The following STK24 variants were observed in gnomAD, a reference collection of about 807,000 sequenced individuals.
STK24 encodes serine/threonine-protein kinase 24.
Under a neutral mutation model 55.6 loss-of-function variants are expected in STK24, and 21 were observed. That is an observed-to-expected ratio of 0.38 (90% confidence interval 0.27 to 0.54). The LOEUF is 0.54. STK24 is among the 20% of genes least tolerant of loss of function. The probability of loss-of-function intolerance (pLI) is 0.79; values close to 1 mark genes in which losing one functional copy is unlikely to be tolerated. For missense variants in STK24, 383 were observed against 538.4 expected, an observed-to-expected ratio of 0.71 and a Z score of 2.86; for synonymous variants, 200 against 215.2, an observed-to-expected ratio of 0.93 and a Z score of 0.62.
In STK24 at chr13:98,452,193, C is replaced by CA. The variant is rs1893231010; in HGVS notation, c.*979dup. 2 of 152,194 alleles carry CA rather than the reference C, an allele frequency of 1.3e-5. No homozygotes were observed. Among genetic ancestry groups the CA allele is most frequent in the South Asian group, 4.1e-4 (2 of 4,830 alleles). The allele number at this position is 152,194 out of a possible 1,614,324, so 9.4% of individuals were successfully genotyped here. A position where few individuals can be genotyped will look rare whatever the true frequency, so the allele number is the denominator to read the frequency against. ...TATAAAATTTATTTGTGTAAGCATT[C>CA]AGACATTTTTAGGTGGGAAAGATGA... On this transcript the variant is annotated 3_prime_UTR_variant, in exon 11 of 11. Transcript: ENST00000539966.
chr13:98,567,822 GTCAA>G (rs2139461277), intron 1 of STK24, among the ~76,000 whole-genome samples: 1 of 151,626 alleles, frequency 6.6e-6, no homozygotes, highest in South Asian at 2.1e-4. Flanking sequence ...ATCTAATTGG[GTCAA>G]TCCTGAAATC....
intron 1 of STK24, among the ~76,000 whole-genome samples, chr13:98,560,885 G>A (rs1259478460): frequency 6.8e-6 from 1 of 146,678 alleles, no homozygotes; most frequent in African/African-American, 2.6e-5. Flanking sequence ...GACAGGGCAA[G>A]ACTCCGTCTC....
intron 1 of STK24, among the ~76,000 whole-genome samples, chr13:98,538,426 T>G (rs186845886): frequency 6.0e-4 from 91 of 152,202 alleles, no homozygotes; most frequent in African/African-American, 2.1e-3. Flanking sequence ...GGTTTCACCA[T>G]GTTGGTCAAG....
rs114398183 is a variant in STK24, at chr13:98,477,097, T to C, written c.331-1739A>G. ...GCCACAGACTCTGTTCCCCAGAAAG[T>C]AGTTTTTTCCCAGTTACCTGAACAA... On this transcript the variant is annotated intron_variant, in intron 3 of 10. Transcript: ENST00000539966. Among the ~76,000 whole-genome samples, 1,408 of 152,314 alleles carry C rather than the reference T, an allele frequency of 9.2e-3. 19 individuals are homozygous for C. Among genetic ancestry groups the C allele is most frequent in the African/African-American group, 0.031 (1,287 of 41,570 alleles).
chr13:98,519,053 C>T (rs1245180971), intron 2 of STK24, among the ~76,000 whole-genome samples, 190 bp downstream of exon 2: 3 of 152,190 alleles, frequency 2.0e-5, no homozygotes, highest in Non-Finnish European at 2.9e-5. Flanking sequence ...ACTTTCACCA[C>T]AAATATTTCT....
Position 98,448,438 on chromosome 13 carries a change from A to T in STK24, c.*4735T>A. On this transcript the variant is annotated 3_prime_UTR_variant, in exon 11 of 11. Transcript: ENST00000539966. Reference sequence around the variant, plus strand: ...AAAATCAAAAACATGGCTTCCCAGCAGCTCTCCTGTCTCCACAGCCGCGTT... The same window carrying T: ...AAAATCAAAAACATGGCTTCCCAGCTGCTCTCCTGTCTCCACAGCCGCGTT... The T allele has an allele frequency of 1.2e-6, 1 of 816,832 alleles. No homozygotes were observed. The highest frequency in any genetic ancestry group is 2.0e-5 in the Admixed American group (1 of 48,784). 50.6% of individuals were successfully genotyped at this position (816,832 alleles called of 1,614,324 possible).
At chr13:98,466,827 C>A (rs1208188981) in intron 5 of STK24, among the ~76,000 whole-genome samples, 2 of 152,154 alleles carry the variant, frequency 1.3e-5, no homozygotes, top group Non-Finnish European at 2.9e-5. Context: ...ATTCGGCATT[C>A]CCCGTGGAGT....
intron 2 of STK24, among the ~76,000 whole-genome samples, chr13:98,495,877 T>C (rs1895235574): frequency 6.6e-6 from 1 of 152,226 alleles, no homozygotes; most frequent in Non-Finnish European, 1.5e-5. Context: ...GCTTTGCTTT[T>C]ACCCACTACA....
At chr13:98,531,306 C>G (rs1044109746) in intron 1 of STK24, among the ~76,000 whole-genome samples, 1 of 152,154 alleles carries the variant, frequency 6.6e-6, no homozygotes. Context: ...GGGATATGTA[C>G]AGAAAAGGCC....
At chr13:98,563,216 A>C (rs1297911385) in intron 1 of STK24, among the ~76,000 whole-genome samples, 1 of 152,192 alleles carries the variant, frequency 6.6e-6, no homozygotes, top group African/African-American at 2.4e-5. Context: ...GCTAGCACCG[A>C]TGGCCCCAGG....
At chr13:98,529,694 C>A (rs575537206) in intron 1 of STK24, among the ~76,000 whole-genome samples, 2 of 152,078 alleles carry the variant, frequency 1.3e-5, no homozygotes, top group Admixed American at 1.3e-4. Flanking sequence ...GACAAACAAA[C>A]CACCAAACAG....
chr13:98,561,581 AAAAG>A (rs978672544), intron 1 of STK24, among the ~76,000 whole-genome samples: 4 of 151,772 alleles, frequency 2.6e-5, no homozygotes, highest in African/African-American at 4.8e-5. Context: ...GACTGTCTCA[AAAAG>A]AAAGAAAGAA....
chr13:98,551,415 A>T (rs558892389), intron 1 of STK24, among the ~76,000 whole-genome samples: 1 of 151,186 alleles, frequency 6.6e-6, no homozygotes, highest in Non-Finnish European at 1.5e-5. Context: ...TATCTAATCC[A>T]TTAAGGAGAC....
chr13:98,533,023 C>T lies in STK24; in HGVS notation c.43-13550G>A, dbSNP rs191302995. On this transcript the variant is annotated intron_variant, in intron 1 of 10. Coordinates refer to ENST00000539966, the MANE Select transcript of STK24 (RefSeq NM_001032296.4). ...AAATATCCTACAGTATTTGACAAAA[C>T]AGAAAATTGGCACAAAGAGAAATTA... Among the ~76,000 whole-genome samples, 13 of 152,328 alleles carry T rather than the reference C, an allele frequency of 8.5e-5. No homozygotes were observed. In the East Asian group the frequency reaches 2.5e-3, roughly 29 times the overall value.
intron 1 of STK24, 30 bp from the exon 2 acceptor site, chr13:98,519,503 CT>C (rs1896183931): frequency 6.4e-7 from 1 of 1,567,488 alleles, no homozygotes; most frequent in Admixed American, 1.7e-5. Context: ...AAAAGGGAAA[CT>C]TTAGTCCCTC....
chr13:98,574,018 AT>A (rs753527283), intron 1 of STK24, among the ~76,000 whole-genome samples: 51 of 142,754 alleles, frequency 3.6e-4, no homozygotes, highest in Middle Eastern at 3.5e-3. Context: ...TTTTTATTTT[AT>A]TTTTTTTTTT....
chr13:98,457,771 G>A (rs1338543242), intron 9 of STK24, among the ~76,000 whole-genome samples: 2 of 152,122 alleles, frequency 1.3e-5, no homozygotes, highest in East Asian at 1.9e-4. Context: ...TGCCCGGCCC[G>A]GGTTCCTTTT....
chr13:98,539,571 C>CA (rs11286407), intron 1 of STK24, among the ~76,000 whole-genome samples: 9 of 150,912 alleles, frequency 6.0e-5, no homozygotes, highest in South Asian at 2.1e-4. Flanking sequence ...CATTTAAAAA[C>CA]AAAAAAAAAA....
At chr13:98,458,665 C>T (rs541316756) in intron 9 of STK24, among the ~76,000 whole-genome samples, 18 of 152,318 alleles carry the variant, frequency 1.2e-4, no homozygotes, top group African/African-American at 3.8e-4. Context: ...GCCCATGCCC[C>T]GCCCCTAAGT....
Sources: allele counts gnomAD v4.1 joint callset (sites outside exome capture counted in the v4.1 genomes callset), GRCh38; gene constraint gnomAD v4.1.1; transcripts MANE v1.5; gene names NCBI Gene and HGNC (gene_info 2026-07-23, HGNC 2026-07-21).